TNS1: variants seen among roughly 807,000 people sequenced by gnomAD.
The protein encoded by TNS1 is tensin-1.
TNS1 carries 62 observed loss-of-function variants against 168.6 expected under a neutral mutation model. The observed-to-expected ratio is 0.37, with a 90% confidence interval of 0.30 to 0.45. The LOEUF is 0.45. TNS1 is among the 20% of genes least tolerant of loss of function. TNS1 has a pLI of 1.00. For missense variants in TNS1, 2,240 were observed against 2,339.4 expected (o/e 0.96, Z 0.88); for synonymous variants, 934 against 933.2 (o/e 1.00, Z -0.02).
chr2:217,961,677 A>G lies in TNS1; in HGVS notation c.186+17088T>C, dbSNP rs116153515. 4.5e-3 allele frequency among the ~76,000 whole-genome samples: 683 copies of G among 152,314 alleles called. 9 individuals are homozygous for G. Among genetic ancestry groups the G allele is most frequent in the African/African-American group, 0.016 (650 of 41,566 alleles). On this transcript the variant is annotated intron_variant, in intron 3 of 32. Coordinates refer to ENST00000682258, the MANE Select transcript of TNS1 (RefSeq NM_001387777.1). ...ACCTGAATGATACACTTTCATCCCA[A>G]ATCAGCCCGGTGGGACCCCCCCATT...
intron 18 of TNS1, among the ~76,000 whole-genome samples, 176 bp from the exon 19 acceptor site, chr2:217,849,263 A>G (rs1947141957): frequency 6.6e-6 from 1 of 152,166 alleles, no homozygotes; most frequent in Admixed American, 6.5e-5. Flanking sequence ...CCTCTACCCC[A>G]GGCTTTGGGG....
intron 12 of TNS1, among the ~76,000 whole-genome samples, chr2:217,889,811 C>T (rs999417835): frequency 9.2e-5 from 14 of 152,350 alleles, no homozygotes; most frequent in Non-Finnish European, 1.8e-4. Flanking sequence ...AGGCCCACAA[C>T]TCCCAGCAGC....
chr2:217,854,515 C>T (rs1221422932), intron 18 of TNS1, among the ~76,000 whole-genome samples: 1 of 152,156 alleles, frequency 6.6e-6, no homozygotes, highest in Admixed American at 6.5e-5. Context: ...GACCACCCAA[C>T]GTGGGGGAAA....
intron 12 of TNS1, 51 bp downstream of exon 12, chr2:217,890,911 T>A: frequency 1.3e-6 from 2 of 1,584,678 alleles, no homozygotes; most frequent in South Asian, 1.1e-5. Flanking sequence ...AGTCCCCACA[T>A]AGAGTGAGTG....
chr2:217,900,503 T>G lies in TNS1; in HGVS notation c.331A>C (p.Arg111=). ...TGGGGCTGGACACTCGGGGTGACCC[T>G]GGTGGAGCCCTGGGAAGGAGAGAAG... ...RKSLEDNGST[R]VTPSVQPHLQ... Residue 111 remains arginine, a synonymous_variant, in exon 7 of 33, where the codon AGG becomes CGG. Coordinates refer to ENST00000682258, the MANE Select transcript of TNS1 (RefSeq NM_001387777.1). 1 of 1,535,568 alleles carries G rather than the reference T, an allele frequency of 6.5e-7. No individual in the cohort carries two copies. The highest frequency in any genetic ancestry group is 8.7e-7 in the Non-Finnish European group (1 of 1,146,720).
intron 30 of TNS1, among the ~76,000 whole-genome samples, chr2:217,809,158 T>G (rs2125073239): frequency 3.3e-5 from 5 of 151,722 alleles, no homozygotes; most frequent in East Asian, 3.9e-4. Flanking sequence ...AGATGAGGGA[T>G]GAATAAATGC....
chr2:217,893,149 G>A, intron 10 of TNS1, 137 bp from the exon 11 acceptor site: 1 of 1,104,674 alleles, frequency 9.1e-7, no homozygotes, highest in Non-Finnish European at 1.3e-6. Flanking sequence ...TAAGGAGGAA[G>A]GGGGCCTCAG....
chr2:217,907,092 C>T (rs1300306517), intron 5 of TNS1, 118 bp downstream of exon 5: 8 of 654,034 alleles, frequency 1.2e-5, no homozygotes, highest in African/African-American at 3.5e-5. Context: ...AAATCTACTC[C>T]GGAAGCATTT....
intron 18 of TNS1, among the ~76,000 whole-genome samples, chr2:217,867,506 T>C (rs1341336448): frequency 6.6e-6 from 1 of 152,216 alleles, no homozygotes; most frequent in Non-Finnish European, 1.5e-5. Flanking sequence ...AGTGGAATAG[T>C]ATGCAGCTGA....
chr2:217,859,730 A>G (rs1016669942), intron 18 of TNS1: 3 of 1,516,054 alleles, frequency 2.0e-6, no homozygotes, highest in African/African-American at 1.4e-5. Context: ...GCAGAGTATC[A>G]CTTTTCAGAG....
At chr2:217,891,116 G>T in intron 11 of TNS1, 71 bp from the exon 12 acceptor site, 1 of 1,488,602 alleles carries the variant, frequency 6.7e-7, no homozygotes, top group Non-Finnish European at 9.4e-7. Flanking sequence ...CCCCACCCCT[G>T]CTCCCTCAGA....
intron 18 of TNS1, among the ~76,000 whole-genome samples, chr2:217,851,564 A>G (rs1427423139): frequency 6.6e-6 from 1 of 152,002 alleles, no homozygotes; most frequent in Non-Finnish European, 1.5e-5. Context: ...GACCTCAGCC[A>G]ACACCAGCCC....
At chr2:217,847,216 G>C (rs143900673) in intron 19 of TNS1, among the ~76,000 whole-genome samples, 1 of 152,176 alleles carries the variant, frequency 6.6e-6, no homozygotes, top group African/African-American at 2.4e-5. Context: ...CTCTGTCACC[G>C]TACACATTAC....
At chr2:217,808,801 T>C (rs1939768952) in intron 30 of TNS1, 130 bp from the exon 31 acceptor site, 3 of 772,426 alleles carry the variant, frequency 3.9e-6, no homozygotes, top group East Asian at 2.5e-5. Context: ...TTCTCTCTTA[T>C]GAGCAAGATG....
At chr2:218,031,203 TGA>T (rs1307031311) in intron 1 of TNS1, among the ~76,000 whole-genome samples, 18 of 146,496 alleles carry the variant, frequency 1.2e-4, no homozygotes, top group Admixed American at 2.7e-4. Flanking sequence ...TGTATGTGTG[TGA>T]GTGTGTCTGT....
rs1167830853 is a variant in TNS1, at chr2:218,033,942, C to T, written c.34G>A (p.Glu12Lys). 6.6e-6 allele frequency among the ~76,000 whole-genome samples: 1 copy of T among 152,224 alleles called. No individual in the cohort carries two copies. Among genetic ancestry groups the T allele is most frequent in the East Asian group, 1.9e-4 (1 of 5,196 alleles). The change falls in exon 1 of 2, where the codon GAG (glutamate) becomes AAG (lysine). Residue 12 changes from glutamate (E) to lysine (K), a missense_variant. Glu to Lys is a moderately conservative substitution (Grantham distance 56). Transcript: ENST00000649572. The surrounding 1 kb of genome is among the most constrained non-coding windows in gnomAD (Gnocchi z 4.3). ...CCGCAGAGTGGTCCGGGCCGCAGCT[C>T]TTCGCAGCACACCAGGCTCACAGTG...
At chr2:217,827,269 G>C (rs944931595) in intron 22 of TNS1, among the ~76,000 whole-genome samples, 1 of 152,148 alleles carries the variant, frequency 6.6e-6, no homozygotes, top group Non-Finnish European at 1.5e-5. Flanking sequence ...TTCGCACAGC[G>C]CCTGGGACAT....
At chr2:217,953,358 G>C (rs1176655670) in intron 3 of TNS1, among the ~76,000 whole-genome samples, 8 of 152,222 alleles carry the variant, frequency 5.3e-5, no homozygotes, top group Non-Finnish European at 1.0e-4. Flanking sequence ...TGTTCAGGCT[G>C]TGAGCCTTGG....
intron 3 of TNS1, 33 bp from the exon 4 acceptor site, chr2:217,920,269 A>G (rs933892988): frequency 4.8e-5 from 34 of 702,846 alleles, no homozygotes; most frequent in Admixed American, 3.2e-4. Context: ...GCAGGTGAGC[A>G]TATCTTGTCT....
Sources: gnomAD v4.1 joint callset for allele counts (sites outside exome capture counted in the v4.1 genomes callset) on GRCh38, gnomAD v4.1.1 for gene constraint, Gnocchi (gnomAD v3.1) non-coding constraint, MANE v1.5 for transcripts, NCBI Gene and HGNC (gene_info 2026-07-23, HGNC 2026-07-21) for gene names.